Variants in ZFAT observed in about 807,000 individuals in gnomAD.
The protein encoded by ZFAT is zinc finger protein ZFAT.
In ZFAT, 64 loss-of-function variants were observed where a neutral mutation model predicts 117.7. The ratio of observed to expected loss-of-function variants is 0.54; its 90% confidence interval spans 0.44 to 0.67. ZFAT has a LOEUF of 0.67. ZFAT is among the 30% of genes least tolerant of loss of function. The probability of loss-of-function intolerance (pLI) is 0.00; values close to 1 mark genes in which losing one functional copy is unlikely to be tolerated. For missense variants in ZFAT, 1,433 were observed against 1,584.5 expected, an observed-to-expected ratio of 0.90 and a Z score of 1.62; for synonymous variants, 679 against 615.0, an observed-to-expected ratio of 1.10 and a Z score of -1.54.
chr8:134,483,555 T>A (rs560631947), intron 15 of ZFAT, among the ~76,000 whole-genome samples: 15 of 152,338 alleles, frequency 9.8e-5, no homozygotes, highest in Admixed American at 6.5e-4. Flanking sequence ...AGGCTTAAAA[T>A]TGTTCTTCAC....
intron 15 of ZFAT, among the ~76,000 whole-genome samples, chr8:134,508,529 C>T (rs758988387): frequency 6.6e-6 from 1 of 152,218 alleles, no homozygotes; most frequent in African/African-American, 2.4e-5. Context: ...GGTCTCTCCT[C>T]GGATGTCAGA....
chr8:134,717,867 G>A (rs780228379), upstream of ZFAT, among the ~76,000 whole-genome samples: 7 of 151,948 alleles, frequency 4.6e-5, no homozygotes, highest in Middle Eastern at 3.2e-3. Flanking sequence ...GCCAATTTTT[G>A]TATTTTTAGT....
At chr8:134,505,966 A>C (rs72735770) in intron 15 of ZFAT, among the ~76,000 whole-genome samples, 1 of 152,218 alleles carries the variant, frequency 6.6e-6, no homozygotes, top group South Asian at 2.1e-4. Context: ...TCAACCATAC[A>C]TACAATGTTA....
At chr8:134,600,955 A>T (rs1001009806) in intron 6 of ZFAT, among the ~76,000 whole-genome samples, 5 of 152,200 alleles carry the variant, frequency 3.3e-5, no homozygotes, top group African/African-American at 1.2e-4. Flanking sequence ...ATGCACATGC[A>T]TAAATCTACA....
chr8:134,825,574 A>T, the ZFAT span, among the ~76,000 whole-genome samples: 1 of 152,256 alleles, frequency 6.6e-6, no homozygotes, highest in Non-Finnish European at 1.5e-5. Context: ...CTATCAGCGC[A>T]TTAGAAGTTC....
At chr8:134,489,550 G>A (rs907856005) in intron 15 of ZFAT, among the ~76,000 whole-genome samples, 3 of 152,018 alleles carry the variant, frequency 2.0e-5, no homozygotes, top group South Asian at 2.1e-4. Context: ...AGCGTCCTCC[G>A]TCCTCTCTGG....
chr8:134,809,705 T>C, the ZFAT span, among the ~76,000 whole-genome samples: 1 of 152,298 alleles, frequency 6.6e-6, no homozygotes, highest in East Asian at 1.9e-4. Flanking sequence ...ATCATGTCGG[T>C]AAACTGTCTG....
chr8:134,663,731 CT>C (rs1832057740), intron 1 of ZFAT, among the ~76,000 whole-genome samples: 1 of 152,138 alleles, frequency 6.6e-6, no homozygotes, highest in Non-Finnish European at 1.5e-5. Flanking sequence ...GAGCAAGACT[CT>C]GTCTTAAAAT....
intron 2 of ZFAT, among the ~76,000 whole-genome samples, chr8:134,643,117 C>T (rs914722251): frequency 1.3e-5 from 2 of 152,188 alleles, no homozygotes; most frequent in African/African-American, 4.8e-5. Context: ...TTCACATGCA[C>T]GTCCTCATTT....
rs759915972 is a variant in ZFAT, at chr8:134,532,984, A to G, written c.2977-12T>C. On this transcript the variant is annotated splice_polypyrimidine_tract_variant and intron_variant, in intron 11 of 15. Coordinates refer to ENST00000377838, the MANE Select transcript of ZFAT (RefSeq NM_020863.4). ...GCACAGCGGAAAGGCTGCGGGGACA[A>G]TGAGGAGGGGTTAGGAAAGGTGAGC... 1 of 1,593,742 alleles carries G rather than the reference A, an allele frequency of 6.3e-7. No homozygotes were observed. The highest frequency in any genetic ancestry group is 1.1e-5 in the South Asian group (1 of 87,482).
At chr8:134,551,420 T>A (rs892367217) in intron 11 of ZFAT, among the ~76,000 whole-genome samples, 5 of 152,174 alleles carry the variant, frequency 3.3e-5, no homozygotes, top group African/African-American at 1.2e-4. Flanking sequence ...AAGAAACCAG[T>A]CCACCCGTCT....
Position 134,608,710 on chromosome 8 carries a change from A to C in ZFAT, c.785+19T>G, listed in dbSNP as rs200577738. On this transcript the variant is annotated intron_variant, in intron 5 of 15. Coordinates refer to ENST00000377838, the MANE Select transcript of ZFAT (RefSeq NM_020863.4). ...ACATGCAACCTCTGGCTGAAGTTAC[A>C]CAGAACAAAACACTTTACCTGCTTG... 11 of 1,604,364 alleles carry C rather than the reference A, an allele frequency of 6.9e-6. No individual in the cohort carries two copies. The highest frequency in any genetic ancestry group is 1.3e-5 in the African/African-American group (1 of 74,452).
At chr8:134,666,195 C>A (rs1439921981) in intron 1 of ZFAT, among the ~76,000 whole-genome samples, 1 of 152,148 alleles carries the variant, frequency 6.6e-6, no homozygotes, top group Non-Finnish European at 1.5e-5. Context: ...GAACTCCCAC[C>A]CCCATCCACC....
rs538767910 is a variant in ZFAT at position 134,544,673 on chromosome 8, G to A, written c.2977-11701C>T. On this transcript the variant is annotated intron_variant, in intron 11 of 15. Coordinates refer to ENST00000377838, the MANE Select transcript of ZFAT (RefSeq NM_020863.4). ...TAGAAGAAAAGGTGGAGGAGGGAGGGAAGGATAGTAAAAGAAAGTAAAGAA... is the reference window on the plus strand; with the variant it reads ...TAGAAGAAAAGGTGGAGGAGGGAGGAAAGGATAGTAAAAGAAAGTAAAGAA... Among the ~76,000 whole-genome samples the A allele has an allele frequency of 3.3e-5, 5 of 152,166 alleles. No individual in the cohort carries two copies. The East Asian group carries it at 7.7e-4, about 24-fold the overall frequency.
chr8:134,678,350 A>G (rs199618553), intron 1 of ZFAT, among the ~76,000 whole-genome samples: 1 of 152,204 alleles, frequency 6.6e-6, no homozygotes, highest in African/African-American at 2.4e-5. Context: ...CAATTGCTAC[A>G]AAGAGAATAA....
chr8:134,771,791 C>G, the ZFAT span, among the ~76,000 whole-genome samples: 1 of 152,190 alleles, frequency 6.6e-6, no homozygotes, highest in Non-Finnish European at 1.5e-5. Flanking sequence ...TAAAGACATA[C>G]CAGAGACTGG....
rs187402900 is a variant in ZFAT, at chr8:134,483,933, C to T, written c.3493-5212G>A. 1.5e-3 allele frequency among the ~76,000 whole-genome samples: 221 copies of T among 152,356 alleles called. 1 individual carries two copies. Among genetic ancestry groups the T allele is most frequent in the African/African-American group, 4.9e-3 (205 of 41,576 alleles). ...TCTGCGGTGCGCCAGGCAGTGGCTA[C>T]GGCTCTGGCTGCCTCATTGTCTCAC... On this transcript the variant is annotated intron_variant, in intron 15 of 15. Coordinates refer to ENST00000377838, the MANE Select transcript of ZFAT (RefSeq NM_020863.4).
At chr8:134,786,164 A>T in the ZFAT span, among the ~76,000 whole-genome samples, 1 of 152,156 alleles carries the variant, frequency 6.6e-6, no homozygotes, top group African/African-American at 2.4e-5. Flanking sequence ...TTTTCCTTGG[A>T]CTTTCAAATA....
At chr8:134,590,705 A>C (rs1483193794) in intron 7 of ZFAT, among the ~76,000 whole-genome samples, 5 of 55,312 alleles carry the variant, frequency 9.0e-5, no homozygotes, top group Non-Finnish European at 1.8e-4. Flanking sequence ...CAACACCACG[A>C]CCACCATCAC....
Sources: allele counts gnomAD v4.1 joint callset (sites outside exome capture counted in the v4.1 genomes callset), GRCh38; gene constraint gnomAD v4.1.1; transcripts MANE v1.5; gene names NCBI Gene and HGNC (gene_info 2026-07-23, HGNC 2026-07-21).